Variants in STAU2 observed in about 807,000 individuals in gnomAD.
STAU2 encodes double-stranded RNA-binding protein Staufen homolog 2.
STAU2 carries 20 observed loss-of-function variants against 65.9 expected under a neutral mutation model. The ratio of observed to expected loss-of-function variants is 0.30; its 90% confidence interval spans 0.21 to 0.44. The LOEUF (loss-of-function observed/expected upper bound fraction) is 0.44, where lower values mean the gene tolerates loss of function less well. Ranked by LOEUF, STAU2 falls within the 20% of genes least tolerant of loss-of-function variation. STAU2 has a pLI of 1.00. For synonymous variants in STAU2, 232 were observed against 233.9 expected, an observed-to-expected ratio of 0.99 and a Z score of 0.07; for missense variants, 558 against 683.9, an observed-to-expected ratio of 0.82 and a Z score of 2.05.
At chr8:73,438,400 A>T (rs1004401430) in intron 13 of STAU2, among the ~76,000 whole-genome samples, 6 of 152,294 alleles carry the variant, frequency 3.9e-5, no homozygotes, top group African/African-American at 1.4e-4. Flanking sequence ...GGTGGTGCTC[A>T]AGTCACCCTG....
At chr8:73,660,935 T>C (rs992090917) in intron 6 of STAU2, among the ~76,000 whole-genome samples, 2 of 152,200 alleles carry the variant, frequency 1.3e-5, no homozygotes, top group African/African-American at 4.8e-5. Context: ...GTAAATTCTT[T>C]TAAATCTCCC....
chr8:73,508,813 T>A (rs1488276567), intron 13 of STAU2, among the ~76,000 whole-genome samples: 2 of 152,248 alleles, frequency 1.3e-5, no homozygotes, highest in African/African-American at 4.8e-5. Context: ...GTAATATAGA[T>A]GTAGTTCAAA....
intron 12 of STAU2, among the ~76,000 whole-genome samples, chr8:73,566,679 C>T (rs1404909312): frequency 6.6e-6 from 1 of 152,160 alleles, no homozygotes; most frequent in Non-Finnish European, 1.5e-5. Flanking sequence ...CTACCTTTAA[C>T]TAAGAGTGTC....
chr8:73,533,525 T>G (rs1276763040), intron 13 of STAU2, among the ~76,000 whole-genome samples: 1 of 152,204 alleles, frequency 6.6e-6, no homozygotes, highest in Non-Finnish European at 1.5e-5. Context: ...GATATTGACT[T>G]TGCCAGTCTA....
rs551451518 is a variant in STAU2 at position 73,622,158 on chromosome 8, C to T, written c.411-4707G>A. Among the ~76,000 whole-genome samples the T allele has an allele frequency of 9.0e-3, 397 of 43,936 alleles. 59 individuals carry two copies. The highest frequency in any genetic ancestry group is 0.058 in the African/African-American group (373 of 6,384). 28.8% of individuals were successfully genotyped at this position (43,936 alleles called of 152,430 possible). On this transcript the variant is annotated intron_variant, in intron 6 of 14. Coordinates refer to ENST00000524300, the MANE Select transcript of STAU2 (RefSeq NM_001164380.2). ...TTTTTTTTTTTTTGAGACGGAGTCT[C>T]GCTGTCGCCCAGGCTGGAATGCAGT... is the stretch of plus-strand genomic sequence containing the variant.
chr8:73,426,073 A>T (rs1816801286), intron 13 of STAU2, among the ~76,000 whole-genome samples: 1 of 152,098 alleles, frequency 6.6e-6, no homozygotes, highest in African/African-American at 2.4e-5. Flanking sequence ...GATTACAGGC[A>T]TGCGCCTCTG....
chr8:73,659,492 G>A (rs368776637), intron 6 of STAU2, among the ~76,000 whole-genome samples: 132 of 152,114 alleles, frequency 8.7e-4, no homozygotes, highest in African/African-American at 3.0e-3. Flanking sequence ...AGCTGAGATC[G>A]CGCCATTGCA....
At chr8:73,643,324 G>C (rs1165347373) in intron 6 of STAU2, among the ~76,000 whole-genome samples, 1 of 152,186 alleles carries the variant, frequency 6.6e-6, no homozygotes, top group African/African-American at 2.4e-5. Context: ...ACTCCGTTAA[G>C]TATTACCACC....
At chr8:73,604,031 T>A (rs970441159) in intron 9 of STAU2, among the ~76,000 whole-genome samples, 168 bp from the exon 10 acceptor site, 1 of 152,126 alleles carries the variant, frequency 6.6e-6, no homozygotes, top group Non-Finnish European at 1.5e-5. Flanking sequence ...AAAATAGACC[T>A]GTAACCAAGG....
At chr8:73,691,570 T>G (rs1819321741) in intron 4 of STAU2, among the ~76,000 whole-genome samples, 1 of 152,046 alleles carries the variant, frequency 6.6e-6, no homozygotes, top group Admixed American at 6.6e-5. Flanking sequence ...TTTTCAGACC[T>G]GGCCTCCTCT....
intron 13 of STAU2, among the ~76,000 whole-genome samples, chr8:73,534,395 A>G (rs1264823248): frequency 6.6e-6 from 1 of 152,228 alleles, no homozygotes; most frequent in Non-Finnish European, 1.5e-5. Flanking sequence ...ATTGACCTAA[A>G]TAAGTAGATT....
intron 1 of STAU2, among the ~76,000 whole-genome samples, chr8:73,740,540 G>A (rs1421873253): frequency 2.0e-5 from 3 of 151,930 alleles, no homozygotes; most frequent in Non-Finnish European, 4.4e-5. Flanking sequence ...AAATACACCC[G>A]CTTTCAATAG....
chr8:73,659,715 C>T (rs1459859662), intron 6 of STAU2, among the ~76,000 whole-genome samples: 1 of 152,094 alleles, frequency 6.6e-6, no homozygotes, highest in African/African-American at 2.4e-5. Context: ...GCTTGAGCAA[C>T]AGATTAATAA....
chr8:73,472,480 G>T (rs1293445406), intron 13 of STAU2, among the ~76,000 whole-genome samples: 1 of 152,150 alleles, frequency 6.6e-6, no homozygotes, highest in Middle Eastern at 3.2e-3. Context: ...GTGTTCAACT[G>T]TAAGTGTGCA....
At chr8:73,718,874 ACTG>A (rs1323539717) in intron 3 of STAU2, among the ~76,000 whole-genome samples, 1 of 152,214 alleles carries the variant, frequency 6.6e-6, no homozygotes, top group East Asian at 1.9e-4. Flanking sequence ...GTTTTTGCAT[ACTG>A]CTCTTCTATC....
chr8:73,659,096 T>TTA (rs1283205823), intron 6 of STAU2, among the ~76,000 whole-genome samples: 3 of 152,164 alleles, frequency 2.0e-5, no homozygotes, highest in African/African-American at 7.2e-5. Context: ...CGTTTTTTGA[T>TTA]TCATAAAGGA....
intron 13 of STAU2, among the ~76,000 whole-genome samples, chr8:73,438,202 T>C (rs1817856833): frequency 6.6e-6 from 1 of 152,202 alleles, no homozygotes; most frequent in African/African-American, 2.4e-5. Context: ...GGCTGGCCTG[T>C]CTGACTCACT....
At chr8:73,489,921 G>A (rs79441802) in intron 13 of STAU2, among the ~76,000 whole-genome samples, 4,645 of 152,088 alleles carry the variant, frequency 0.031, 231 homozygotes, top group Admixed American at 0.13. Context: ...CTTTTCATGA[G>A]ATTCATTATG....
chr8:73,444,467 C>A (rs1281128273), intron 13 of STAU2, among the ~76,000 whole-genome samples: 1 of 151,672 alleles, frequency 6.6e-6, no homozygotes, highest in East Asian at 1.9e-4. Flanking sequence ...GACCAGAACC[C>A]AGTGACATGA....
Sources: allele counts gnomAD v4.1 joint callset (sites outside exome capture counted in the v4.1 genomes callset), GRCh38; gene constraint gnomAD v4.1.1; transcripts MANE v1.5; gene names NCBI Gene and HGNC (gene_info 2026-07-23, HGNC 2026-07-21).